The following CLUAP1 variants were observed in gnomAD, a reference collection of about 807,000 sequenced individuals.
The protein encoded by CLUAP1 is clusterin-associated protein 1.
CLUAP1 carries 50 observed loss-of-function variants against 55.0 expected under a neutral mutation model. That is an observed-to-expected ratio of 0.91 (90% CI 0.72 to 1.15). CLUAP1 has a LOEUF of 1.15. CLUAP1 is among the 50% of genes most tolerant of loss of function. CLUAP1 has a pLI of 0.00. For missense variants in CLUAP1, 530 were observed against 507.6 expected (o/e 1.04, Z -0.42); for synonymous variants, 195 against 175.4 (o/e 1.11, Z -0.88).
chr16:3,523,081 A>G (rs73503361), intron 7 of CLUAP1, 77 bp from the exon 8 acceptor site: 14,885 of 1,238,924 alleles, frequency 0.012, 599 homozygotes, highest in African/African-American at 0.12. Flanking sequence ...CCACCATGGA[A>G]TCTGAAACTG....
At chr16:3,522,486 A>G (rs188431841) in intron 7 of CLUAP1, among the ~76,000 whole-genome samples, 5 of 152,210 alleles carry the variant, frequency 3.3e-5, no homozygotes, top group Non-Finnish European at 7.4e-5. Context: ...TTATACCCAA[A>G]TAAGATAATA....
intron 5 of CLUAP1, among the ~76,000 whole-genome samples, chr16:3,514,412 A>G (rs998740983): frequency 1.3e-5 from 2 of 152,154 alleles, no homozygotes; most frequent in African/African-American, 4.8e-5. Flanking sequence ...ACTGAGGTGC[A>G]GCCTCAGCCA....
At chr16:3,533,435 A>G (rs76907289) in intron 11 of CLUAP1, 27,894 of 463,638 alleles carry the variant, frequency 0.06, 1,024 homozygotes, top group African/African-American at 0.12. Context: ...CTCAGGACCA[A>G]CCCCCCTCCC....
At chr16:3,532,751 T>C in intron 10 of CLUAP1, 35 bp from the exon 11 acceptor site, 2 of 1,611,200 alleles carry the variant, frequency 1.2e-6, no homozygotes, top group Non-Finnish European at 1.7e-6. Flanking sequence ...TTTTCCAAGA[T>C]TTTTATGACT....
chr16:3,496,653 G>C, upstream of CLUAP1: 1 of 533,042 alleles, frequency 1.9e-6, no homozygotes. Context: ...CAGGTGTACC[G>C]GCATTTCGGC....
intron 9 of CLUAP1, among the ~76,000 whole-genome samples, chr16:3,529,608 ATT>A (rs2038039991): frequency 2.5e-5 from 1 of 39,470 alleles, no homozygotes; most frequent in Non-Finnish European, 3.9e-5. Flanking sequence ...TATATTATAT[ATT>A]ATATAATATT....
chr16:3,513,742 G>C (rs138585974), intron 5 of CLUAP1, among the ~76,000 whole-genome samples: 1 of 152,178 alleles, frequency 6.6e-6, no homozygotes, highest in African/African-American at 2.4e-5. Context: ...GAGCCACTGC[G>C]TCTGGCCTAG....
intron 6 of CLUAP1, among the ~76,000 whole-genome samples, chr16:3,518,433 A>T (rs953521421): frequency 3.9e-5 from 6 of 152,246 alleles, no homozygotes; most frequent in African/African-American, 1.4e-4. Flanking sequence ...CAACATGGGT[A>T]CTTAAAAGGG....
At chr16:3,516,835 A>C (rs2037737672) in intron 6 of CLUAP1, among the ~76,000 whole-genome samples, 1 of 152,196 alleles carries the variant, frequency 6.6e-6, no homozygotes, top group African/African-American at 2.4e-5. Flanking sequence ...GAAAATGGCT[A>C]ATTCCAGAGT....
Position 3,536,538 on chromosome 16 carries a change from A to T in CLUAP1, c.*267A>T, listed in dbSNP as rs898443655. Reference sequence around the variant, plus strand: ...AATGCATGTGTTCTTAGTGATTCACATCCACGGGACAAAAACTCAAGAAGA... The same window carrying T: ...AATGCATGTGTTCTTAGTGATTCACTTCCACGGGACAAAAACTCAAGAAGA... On this transcript the variant is annotated 3_prime_UTR_variant, in exon 12 of 12. Coordinates refer to ENST00000576634, the MANE Select transcript of CLUAP1 (RefSeq NM_015041.3). 4 of 296,944 alleles carry T rather than the reference A, an allele frequency of 1.3e-5. No homozygotes were observed. Among genetic ancestry groups the T allele is most frequent in the Non-Finnish European group, 2.5e-5 (4 of 159,772 alleles). 18.4% of individuals were successfully genotyped at this position (296,944 alleles called of 1,614,324 possible).
intron 8 of CLUAP1, among the ~76,000 whole-genome samples, chr16:3,525,378 C>G (rs2037922301): frequency 6.6e-6 from 1 of 152,054 alleles, no homozygotes; most frequent in Non-Finnish European, 1.5e-5. Flanking sequence ...CTCTACCCTA[C>G]CCTTCCTTCA....
At chr16:3,527,616 C>T (rs546227882) in intron 9 of CLUAP1, among the ~76,000 whole-genome samples, 163 of 152,094 alleles carry the variant, frequency 1.1e-3, no homozygotes, top group South Asian at 7.1e-3. Context: ...CAGTCAGGCC[C>T]GCCCGCAGTT....
chr16:3,530,330 T>C (rs1004100759), intron 9 of CLUAP1: 2 of 430,250 alleles, frequency 4.6e-6, no homozygotes, highest in Non-Finnish European at 4.2e-6. Context: ...CTCAGGTCTG[T>C]ATTGGTTTGA....
At chr16:3,509,250 G>C (rs945939135) in intron 4 of CLUAP1, among the ~76,000 whole-genome samples, 5 of 152,094 alleles carry the variant, frequency 3.3e-5, no homozygotes, top group Non-Finnish European at 5.9e-5. Context: ...CCTTGTCTGG[G>C]GGGAAGAAAA....
chr16:3,507,150 C>T (rs1259212223), intron 3 of CLUAP1, among the ~76,000 whole-genome samples: 2 of 150,516 alleles, frequency 1.3e-5, no homozygotes, highest in Admixed American at 1.3e-4. Flanking sequence ...GAGCCGAGAT[C>T]ACGCCACTGC....
chr16:3,528,015 T>A (rs1438355473), intron 9 of CLUAP1, among the ~76,000 whole-genome samples: 3 of 152,146 alleles, frequency 2.0e-5, no homozygotes, highest in African/African-American at 7.2e-5. Context: ...CCGGCTGTCT[T>A]TTCTTTTATC....
upstream of CLUAP1, chr16:3,496,371 C>G (rs1489299512): frequency 8.2e-7 from 1 of 1,214,026 alleles, no homozygotes; most frequent in South Asian, 1.2e-5. Context: ...ATGAGTCGCA[C>G]CAACCGGCCA....
intron 4 of CLUAP1, among the ~76,000 whole-genome samples, chr16:3,511,976 C>T (rs546364662): frequency 2.6e-5 from 4 of 151,914 alleles, no homozygotes; most frequent in African/African-American, 7.2e-5. Flanking sequence ...CACCTGAGGT[C>T]AGGAATTCAA....
chr16:3,513,983 C>T (rs2037683586), intron 5 of CLUAP1, among the ~76,000 whole-genome samples: 1 of 152,192 alleles, frequency 6.6e-6, no homozygotes, highest in Non-Finnish European at 1.5e-5. Context: ...TATGTCTGCT[C>T]ATCATATATT....
Sources: allele counts gnomAD v4.1 joint callset (sites outside exome capture counted in the v4.1 genomes callset), GRCh38; gene constraint gnomAD v4.1.1; transcripts MANE v1.5; gene names NCBI Gene and HGNC (gene_info 2026-07-23, HGNC 2026-07-21).